Variants in PNLIPRP3 observed in about 807,000 individuals in gnomAD.
PNLIPRP3 encodes the protein pancreatic lipase related protein 3.
In PNLIPRP3, 58 loss-of-function variants were observed where a neutral mutation model predicts 52.8. That is an observed-to-expected ratio of 1.10 (90% CI 0.89 to 1.37). The LOEUF (loss-of-function observed/expected upper bound fraction) is 1.37, where lower values mean the gene tolerates loss of function less well. Among genes scored for constraint, PNLIPRP3 ranks in the 40% most tolerant of loss-of-function variants. PNLIPRP3 has a pLI of 0.00. For synonymous variants in PNLIPRP3, 192 were observed against 185.0 expected (o/e 1.04, Z -0.31); for missense variants, 593 against 561.6 (o/e 1.06, Z -0.57).
chr10:116,464,963 G>A (rs1252806509), intron 7 of PNLIPRP3, among the ~76,000 whole-genome samples: 4 of 152,332 alleles, frequency 2.6e-5, no homozygotes, highest in African/African-American at 9.6e-5. Context: ...TTTGGCACCT[G>A]CTGTTTGGTG....
intron 1 of PNLIPRP3, among the ~76,000 whole-genome samples, chr10:116,428,378 C>T (rs921214496): frequency 4.6e-5 from 7 of 152,054 alleles, no homozygotes; most frequent in African/African-American, 1.2e-4. Context: ...GCTAGCTCTG[C>T]CACTTACTAG....
rs137888889 is a variant in PNLIPRP3 at position 116,461,782 on chromosome 10, G to A, written c.808+492G>A. ...AAGTAGAAGAAGAAAATTGTTGACA[G>A]GATGGTAAGGGAGTCCTTACTGAAA... On this transcript the variant is annotated intron_variant, in intron 7 of 11. Coordinates refer to ENST00000369230, the MANE Select transcript of PNLIPRP3 (RefSeq NM_001011709.3). 9.9e-5 allele frequency among the ~76,000 whole-genome samples: 15 copies of A among 152,282 alleles called. No homozygotes were observed. In the East Asian group the frequency reaches 2.9e-3, roughly 29 times the overall value.
In PNLIPRP3 at chr10:116,476,780, C is replaced by G; in HGVS notation, c.1301C>G (p.Ala434Gly). The G allele has an allele frequency of 6.2e-7, 1 of 1,609,302 alleles. No individual in the cohort carries two copies. Among genetic ancestry groups the G allele is most frequent in the Non-Finnish European group, 8.5e-7 (1 of 1,177,966 alleles). Reference protein sequence around the residue: ...LFEDSQNKLGAEMVINTSGKY... With the variant: ...LFEDSQNKLGGEMVINTSGKY... ...GAAGATTCTCAGAATAAGTTGGGAG[C>G]AGAAATGGTGATAAATACATCTGGG... is the stretch of plus-strand genomic sequence containing the variant. The change falls in exon 11 of 12, where the codon GCA becomes GGA. Residue 434 changes from alanine (A) to glycine (G), a missense_variant. Ala to Gly is a moderately conservative substitution (Grantham distance 60). Transcript: ENST00000369230.
At chr10:116,460,056 G>A (rs927360269) in intron 5 of PNLIPRP3, among the ~76,000 whole-genome samples, 9 of 152,110 alleles carry the variant, frequency 5.9e-5, no homozygotes, top group African/African-American at 1.2e-4. Flanking sequence ...GTGAGCCACC[G>A]CGCCCAGCCA....
At chr10:116,476,419 G>T (rs546848038) in intron 10 of PNLIPRP3, among the ~76,000 whole-genome samples, 2 of 152,202 alleles carry the variant, frequency 1.3e-5, no homozygotes, top group African/African-American at 4.8e-5. Context: ...GCCTCTCTAG[G>T]TATTCTCTAA....
chr10:116,462,112 A>T (rs971135286), intron 7 of PNLIPRP3, among the ~76,000 whole-genome samples: 1 of 152,166 alleles, frequency 6.6e-6, no homozygotes, highest in African/African-American at 2.4e-5. Flanking sequence ...AGTTACTTGT[A>T]ACAAGAATCA....
At chr10:116,476,581 C>A in intron 10 of PNLIPRP3, 71 bp from the exon 11 acceptor site, 1 of 1,260,542 alleles carries the variant, frequency 7.9e-7, no homozygotes, top group Non-Finnish European at 1.1e-6. Context: ...AGTGCATACA[C>A]AGATGTGTTT....
chr10:116,477,150 C>A lies in PNLIPRP3; in HGVS notation c.1401C>A (p.Cys467Ter), dbSNP rs746742264. The part of the protein sequence containing the change: ...GPNILQNLKP[C>*] ...ATATTCTCCAGAACCTGAAACCATG[C>A]TAATCTCAGATACAGTCTTGATGGA... Residue 467 changes from cysteine (C) to a stop codon, truncating the protein, a stop_gained, in exon 12 of 12, where the codon TGC becomes TGA. Transcript: ENST00000369230. LOFTEE classifies it high-confidence loss of function. 5.7e-6 allele frequency: 9 copies of A among 1,586,128 alleles called. No individual in the cohort carries two copies. The highest frequency in any genetic ancestry group is 7.8e-6 in the Non-Finnish European group (9 of 1,157,794).
chr10:116,468,512 C>T (rs990081263), intron 8 of PNLIPRP3, among the ~76,000 whole-genome samples: 1 of 152,114 alleles, frequency 6.6e-6, no homozygotes, highest in Non-Finnish European at 1.5e-5. Context: ...ACATAAATAT[C>T]TCTACTTGCC....
chr10:116,460,072 C>A (rs1405723226), intron 5 of PNLIPRP3, among the ~76,000 whole-genome samples: 1 of 152,146 alleles, frequency 6.6e-6, no homozygotes, highest in Admixed American at 6.5e-5. Context: ...AGCCATGTTT[C>A]TTATCTCTTG....
chr10:116,431,827 G>A (rs1343498131), intron 1 of PNLIPRP3, among the ~76,000 whole-genome samples: 2 of 152,126 alleles, frequency 1.3e-5, no homozygotes, highest in Non-Finnish European at 2.9e-5. Context: ...CTCAGTCACA[G>A]TAGGCTCTCT....
chr10:116,457,432 T>C (rs1846131872), intron 5 of PNLIPRP3, among the ~76,000 whole-genome samples: 1 of 152,156 alleles, frequency 6.6e-6, no homozygotes, highest in Non-Finnish European at 1.5e-5. Flanking sequence ...ACACAGTTTT[T>C]AAAAAAATAC....
At chr10:116,445,279 T>C (rs1003181602) in intron 4 of PNLIPRP3, among the ~76,000 whole-genome samples, 2 of 152,174 alleles carry the variant, frequency 1.3e-5, no homozygotes, top group Admixed American at 6.5e-5. Flanking sequence ...CAAGAAAATG[T>C]CAGTTGGTGA....
chr10:116,459,397 A>G (rs1846159390), intron 5 of PNLIPRP3, among the ~76,000 whole-genome samples: 1 of 152,082 alleles, frequency 6.6e-6, no homozygotes, highest in Non-Finnish European at 1.5e-5. Context: ...GTCAACGGCA[A>G]TGCTACTCTG....
rs761165461 is a variant in PNLIPRP3 at position 116,469,193 on chromosome 10, C to T, written c.936C>T (p.Cys312=). The T allele has an allele frequency of 6.2e-7, 1 of 1,609,832 alleles. No individual in the cohort carries two copies. Among genetic ancestry groups the T allele is most frequent in the Admixed American group, 1.7e-5 (1 of 59,260 alleles). Residue 312 remains cysteine (C), a synonymous_variant, in exon 9 of 12, where the codon TGC becomes TGT. Coordinates refer to ENST00000369230, the MANE Select transcript of PNLIPRP3 (RefSeq NM_001011709.3). ...TCATTTTCTGTCATCAGGGAAATTG[C>T]TTCTTTTGTTCCAAAGAAGGTTGCC... ...RSYTSFKAGN[C]FFCSKEGCPT... is the part of the protein sequence containing the mutation.
intron 2 of PNLIPRP3, among the ~76,000 whole-genome samples, chr10:116,442,085 T>C (rs1459911035): frequency 6.6e-6 from 1 of 152,198 alleles, no homozygotes; most frequent in Admixed American, 6.5e-5. Context: ...GCTTCCAGGT[T>C]ATAGGATTCA....
At chr10:116,454,483 G>A (rs544536201) in intron 4 of PNLIPRP3, among the ~76,000 whole-genome samples, 29 of 152,178 alleles carry the variant, frequency 1.9e-4, no homozygotes, top group Admixed American at 4.6e-4. Context: ...AATATACAAT[G>A]CATTACTATT....
intron 9 of PNLIPRP3, among the ~76,000 whole-genome samples, chr10:116,469,970 C>CAAAAAAAA (rs34958696): frequency 7.6e-6 from 1 of 131,516 alleles, no homozygotes; most frequent in African/African-American, 2.8e-5. Flanking sequence ...ACAATTCAGG[C>CAAAAAAAA]AAAAAAAAAA....
chr10:116,457,924 TG>T (rs1412613161), intron 5 of PNLIPRP3, among the ~76,000 whole-genome samples: 3 of 152,240 alleles, frequency 2.0e-5, no homozygotes, highest in African/African-American at 7.2e-5. Context: ...ATTAATATTA[TG>T]TGGATGTTTT....
Sources: allele counts gnomAD v4.1 joint callset (sites outside exome capture counted in the v4.1 genomes callset), GRCh38; gene constraint gnomAD v4.1.1; transcripts MANE v1.5; gene names NCBI Gene and HGNC (gene_info 2026-07-23, HGNC 2026-07-21).